Variants in MED13L observed in about 807,000 individuals in gnomAD.
The protein encoded by MED13L is mediator complex subunit 13L.
MED13L carries 7 observed loss-of-function variants against 220.9 expected under a neutral mutation model. The observed-to-expected ratio is 0.03, with a 90% CI of 0.02 to 0.06. The LOEUF (loss-of-function observed/expected upper bound fraction) is 0.06. Ranked by LOEUF, MED13L falls within the 10% of genes least tolerant of loss-of-function variation. The probability of loss-of-function intolerance (pLI) is 1.00; values close to 1 mark genes in which losing one functional copy is unlikely to be tolerated. For synonymous variants in MED13L, 1,011 were observed against 1,015.2 expected (o/e 1.00, Z 0.08); for missense variants, 1,965 against 2,760.5 (o/e 0.71, Z 6.46).
intron 4 of MED13L, 81 bp downstream of exon 4, chr12:116,096,588 G>T (rs1022783868): frequency 9.9e-7 from 1 of 1,008,960 alleles, no homozygotes; most frequent in African/African-American, 1.6e-5. Flanking sequence ...AACATTATTA[G>T]GAAATAAATA....
In MED13L at chr12:116,019,793, C is replaced by T. The variant is rs1879944991; in HGVS notation, c.805G>A (p.Val269Ile). 6.2e-7 allele frequency: 1 copy of T among 1,613,838 alleles called. No individual in the cohort carries two copies. The highest frequency in any genetic ancestry group is 1.3e-5 in the African/African-American group (1 of 74,922). Reference protein sequence around the residue: ...LGYDDDFPVAVEVIVGGVRMV... With the variant: ...LGYDDDFPVAIEVIVGGVRMV... ...TTTCTCTTACCAACAATTACTTCAA[C>T]TGCCACAGGGAAATCATCATCATAT... The change falls in exon 6 of 31, where the codon GTT becomes ATT. Residue 269 changes from valine to isoleucine, a missense_variant. Val to Ile is a conservative substitution (Grantham distance 29, BLOSUM62 3). Around this residue, in one of 10 missense-constraint regions of MED13L, gnomAD observed 818 missense variants for 1,041.2 expected, o/e 0.79. Coordinates refer to ENST00000281928, the MANE Select transcript of MED13L (RefSeq NM_015335.5).
At position 116,005,849 on chromosome 12, in the gene MED13L, T is replaced by C. The variant is rs1879014280; in HGVS notation, c.2469+20A>G. The C allele has an allele frequency of 7.4e-6, 12 of 1,613,656 alleles. No homozygotes were observed. The highest frequency in any genetic ancestry group is 1.0e-5 in the Non-Finnish European group (12 of 1,179,626). On this transcript the variant is annotated intron_variant, in intron 13 of 30. Coordinates refer to ENST00000281928, the MANE Select transcript of MED13L (RefSeq NM_015335.5). ...TTTCATGTAGCGAAATTTTTGTTTATGTAGCTACGGCAAACTCACCCCAAG... is the reference window on the plus strand; with the variant it reads ...TTTCATGTAGCGAAATTTTTGTTTACGTAGCTACGGCAAACTCACCCCAAG...
chr12:116,070,992 C>T (rs1311778954), intron 4 of MED13L, among the ~76,000 whole-genome samples: 1 of 152,012 alleles, frequency 6.6e-6, no homozygotes, highest in South Asian at 2.1e-4. Flanking sequence ...TTCAAGTGTA[C>T]TTTAATACAA....
At chr12:116,046,056 A>C (rs561120929) in intron 4 of MED13L, among the ~76,000 whole-genome samples, 2 of 152,294 alleles carry the variant, frequency 1.3e-5, no homozygotes, top group East Asian at 3.9e-4. Context: ...TTTTATTTAT[A>C]AAGCCAATAT....
In MED13L at chr12:115,983,440, A is replaced by T; in HGVS notation, c.4632T>A (p.Asn1544Lys). The change falls in exon 21 of 31, where the codon AAT becomes AAA. Residue 1544 changes from asparagine to lysine, a missense_variant. Physicochemically the swap from Asn to Lys is moderately conservative, Grantham distance 94. This residue lies in a region of MED13L where 510 missense variants were observed against 620.4 expected (regional missense o/e 0.82). Transcript: ENST00000281928. ...AAAQGQATPG[N>K]AGPLAPNGSA... ...ATCCATTTGGAGCTAAGGGCCCAGCATTCCCTGGCGTAGCTTGTCCCTGTG... is the reference window on the plus strand; with the variant it reads ...ATCCATTTGGAGCTAAGGGCCCAGCTTTCCCTGGCGTAGCTTGTCCCTGTG... 6.2e-7 allele frequency: 1 copy of T among 1,614,208 alleles called. No individual in the cohort carries two copies.
At chr12:116,226,631 G>A (rs1869027410) in intron 2 of MED13L, among the ~76,000 whole-genome samples, 1 of 152,204 alleles carries the variant, frequency 6.6e-6, no homozygotes, top group African/African-American at 2.4e-5. Flanking sequence ...CGCTTTGGGA[G>A]GCCCAGGAGG....
intron 2 of MED13L, among the ~76,000 whole-genome samples, chr12:116,149,941 A>G (rs924009579): frequency 1.3e-5 from 2 of 152,200 alleles, no homozygotes; most frequent in African/African-American, 4.8e-5. Flanking sequence ...AAGGTGTGAT[A>G]TTTCTTTCAC....
intron 2 of MED13L, among the ~76,000 whole-genome samples, chr12:116,184,164 C>A (rs1054487703): frequency 2.0e-5 from 3 of 152,124 alleles, no homozygotes; most frequent in Admixed American, 6.6e-5. Flanking sequence ...ATGAAGAAGG[C>A]TACTTCAGAA....
chr12:116,154,331 A>G (rs1338770999), intron 2 of MED13L, among the ~76,000 whole-genome samples: 1 of 152,154 alleles, frequency 6.6e-6, no homozygotes, highest in African/African-American at 2.4e-5. Context: ...CCTCACTCAC[A>G]CCTGCAATAA....
Position 115,982,465 on chromosome 12 carries a change from A to T in MED13L, c.5094T>A (p.Phe1698Leu). The change falls in exon 22 of 31, where the codon TTT (phenylalanine) becomes TTA (leucine). Residue 1698 changes from phenylalanine to leucine, a missense_variant. By Grantham distance (22) the Phe-to-Leu change is conservative. Transcript: ENST00000281928. ...AGCAGCGCATCAAGCTCAACAGCCA[A>T]AAGTTCCCAGAAGTGGAGTCCTCCT... ...AAEEDSTSGN[F>L]WLLSLMRCYT... The T allele has an allele frequency of 6.2e-7, 1 of 1,614,174 alleles. No individual in the cohort carries two copies. The highest frequency in any genetic ancestry group is 8.5e-7 in the Non-Finnish European group (1 of 1,180,012).
intron 4 of MED13L, among the ~76,000 whole-genome samples, chr12:116,075,092 G>GT (rs1484583086): frequency 6.6e-6 from 1 of 152,146 alleles, no homozygotes; most frequent in African/African-American, 2.4e-5. Flanking sequence ...AATGACCACT[G>GT]TTTTTTGTTT....
Position 116,146,399 on chromosome 12 carries a change from C to T in MED13L, c.311-34887G>A, listed in dbSNP as rs138441073. On this transcript the variant is annotated intron_variant, in intron 2 of 30. Coordinates refer to ENST00000281928, the MANE Select transcript of MED13L (RefSeq NM_015335.5). ...CCTCCCAAAGTGCTGGGATTACAGG[C>T]GTGAGCCACCGCACCCAGCTGAGTT... Among the ~76,000 whole-genome samples the T allele has an allele frequency of 2.4e-3, 363 of 151,724 alleles. 1 individual carries two copies. Among genetic ancestry groups the T allele is most frequent in the African/African-American group, 8.3e-3 (343 of 41,390 alleles).
chr12:115,985,354 C>T (rs144095756), intron 19 of MED13L, among the ~76,000 whole-genome samples: 43 of 152,302 alleles, frequency 2.8e-4, no homozygotes, highest in African/African-American at 9.4e-4. Flanking sequence ...GTCATTACAT[C>T]ATGTTAGCAT....
At chr12:116,063,957 C>T (rs996041084) in intron 4 of MED13L, among the ~76,000 whole-genome samples, 14 of 151,878 alleles carry the variant, frequency 9.2e-5, no homozygotes, top group Non-Finnish European at 1.9e-4. Flanking sequence ...GTGAGGTGGC[C>T]GGATTGCTTG....
At chr12:116,040,366 C>A (rs1183312239) in intron 4 of MED13L, among the ~76,000 whole-genome samples, 1 of 152,164 alleles carries the variant, frequency 6.6e-6, no homozygotes, top group African/African-American at 2.4e-5. Context: ...CATTTGAATA[C>A]AGGATTTCCT....
At chr12:116,144,184 T>G (rs534455872) in intron 2 of MED13L, among the ~76,000 whole-genome samples, 6 of 152,224 alleles carry the variant, frequency 3.9e-5, no homozygotes, top group Non-Finnish European at 8.8e-5. Flanking sequence ...TTAACTCATG[T>G]GATTCCATTT....
intron 2 of MED13L, among the ~76,000 whole-genome samples, chr12:116,115,519 T>C (rs920481682): frequency 6.6e-6 from 1 of 151,996 alleles, no homozygotes; most frequent in Non-Finnish European, 1.5e-5. Context: ...ATGAAGAACT[T>C]TGGCTCTTCA....
intron 4 of MED13L, among the ~76,000 whole-genome samples, chr12:116,087,570 G>C (rs1338704491): frequency 6.6e-6 from 1 of 152,108 alleles, no homozygotes. Flanking sequence ...ACTTTTCAAA[G>C]AAAGGACCCC....
chr12:116,096,044 T>C (rs1308893333), intron 4 of MED13L, among the ~76,000 whole-genome samples: 2 of 151,914 alleles, frequency 1.3e-5, no homozygotes, highest in East Asian at 1.9e-4. Context: ...ACTTATTCCA[T>C]ACAACACTTT....
Sources: allele counts gnomAD v4.1 joint callset (sites outside exome capture counted in the v4.1 genomes callset), GRCh38; gene constraint gnomAD v4.1.1; regional missense constraint gnomAD v4.1.1; transcripts MANE v1.5; gene names NCBI Gene and HGNC (gene_info 2026-07-23, HGNC 2026-07-21).